CFAP54: variants seen among roughly 807,000 people sequenced by gnomAD.
CFAP54 encodes the protein cilia- and flagella-associated protein 54.
A neutral mutation model predicts 370.4 loss-of-function variants in CFAP54; 290 were observed. That is an observed-to-expected ratio of 0.78 (90% CI 0.71 to 0.86). The LOEUF (loss-of-function observed/expected upper bound fraction) is 0.86, where lower values mean the gene tolerates loss of function less well. CFAP54 is among the 40% of genes least tolerant of loss of function. The pLI is 0.00. For synonymous variants in CFAP54, 1,206 were observed against 1,236.5 expected, an observed-to-expected ratio of 0.98 and a Z score of 0.52; for missense variants, 3,399 against 3,528.7, an observed-to-expected ratio of 0.96 and a Z score of 0.93.
chr12:96,858,834 A>C (rs1032870224), intron 66 of CFAP54, among the ~76,000 whole-genome samples: 1 of 152,222 alleles, frequency 6.6e-6, no homozygotes, highest in African/African-American at 2.4e-5. Flanking sequence ...CAATTTACAG[A>C]TTCAACACTA....
At chr12:96,734,742 A>G (rs542713990) in intron 50 of CFAP54, among the ~76,000 whole-genome samples, 2 of 152,328 alleles carry the variant, frequency 1.3e-5, no homozygotes, top group African/African-American at 2.4e-5. Context: ...ATTAAATAAC[A>G]GAATCTCTAG....
chr12:96,640,365 C>A (rs1314506813), intron 32 of CFAP54, among the ~76,000 whole-genome samples: 4 of 152,176 alleles, frequency 2.6e-5, no homozygotes, highest in Non-Finnish European at 5.9e-5. Flanking sequence ...ATCCAACTTA[C>A]AAGTGATGTG....
chr12:96,782,444 G>A (rs1217082764), intron 60 of CFAP54, among the ~76,000 whole-genome samples: 1 of 152,080 alleles, frequency 6.6e-6, no homozygotes, highest in East Asian at 1.9e-4. Flanking sequence ...AAAATATTTA[G>A]CAAGGTTGCT....
At chr12:96,502,396 TAAAAAAAAAAAAAA>T (rs535053383) in intron 2 of CFAP54, among the ~76,000 whole-genome samples, 1 of 68,596 alleles carries the variant, frequency 1.5e-5, no homozygotes, top group Non-Finnish European at 2.6e-5. Context: ...ACACTGTCCC[TAAAAAAAAAAAAAA>T]AAAAAAAAAG....
At chr12:96,552,015 G>C (rs1405783049) in intron 15 of CFAP54, among the ~76,000 whole-genome samples, 1 of 152,138 alleles carries the variant, frequency 6.6e-6, no homozygotes, top group African/African-American at 2.4e-5. Flanking sequence ...TGGAGGCCAA[G>C]GCGGGTGGAT....
chr12:96,798,948 G>A (rs555787018), intron 63 of CFAP54, among the ~76,000 whole-genome samples: 21 of 152,246 alleles, frequency 1.4e-4, no homozygotes, highest in African/African-American at 4.8e-4. Context: ...TAGCAAATAA[G>A]AGAAAACCTT....
intron 40 of CFAP54, 48 bp downstream of exon 40, chr12:96,679,800 C>T: frequency 1.3e-6 from 2 of 1,581,126 alleles, no homozygotes; most frequent in South Asian, 1.1e-5. Context: ...TGTGGGGTGA[C>T]CACCCTGCAG....
rs79690933 is a variant in CFAP54 at position 96,598,566 on chromosome 12, T to G, written c.3517-79T>G. On this transcript the variant is annotated intron_variant, in intron 25 of 67. Transcript: ENST00000524981. Reference sequence around the variant, plus strand: ...AAATTTTATGTCTTAAAGCTTGCATTATTTGAATGGAACATTTTCTAATGA... The same window carrying G: ...AAATTTTATGTCTTAAAGCTTGCATGATTTGAATGGAACATTTTCTAATGA... 6.5e-3 allele frequency: 2,976 copies of G among 457,886 alleles called. 67 individuals carry two copies. Among genetic ancestry groups the G allele is most frequent in the African/African-American group, 0.054 (2,708 of 50,510 alleles). The allele number at this position is 457,886 out of a possible 1,614,324, so 28.4% of individuals were successfully genotyped here.
intron 26 of CFAP54, among the ~76,000 whole-genome samples, chr12:96,611,908 C>T (rs1045303337): frequency 2.0e-5 from 3 of 152,222 alleles, no homozygotes; most frequent in Non-Finnish European, 4.4e-5. Flanking sequence ...AAGACCAAAT[C>T]TACATCTGAT....
chr12:96,593,050 C>T (rs373386182), intron 24 of CFAP54, among the ~76,000 whole-genome samples: 3 of 152,080 alleles, frequency 2.0e-5, no homozygotes, highest in African/African-American at 7.2e-5. Context: ...TATTCTGCAA[C>T]TTGCCTTTTT....
In CFAP54 at chr12:96,575,459, C is replaced by T. The variant is rs148210988; in HGVS notation, c.2620-1126C>T. Among the ~76,000 whole-genome samples, 883 of 151,928 alleles carry T rather than the reference C, an allele frequency of 5.8e-3. 4 individuals are homozygous for T. Among genetic ancestry groups the T allele is most frequent in the Admixed American group, 9.5e-3 (145 of 15,252 alleles). On this transcript the variant is annotated intron_variant, in intron 19 of 67. Coordinates refer to ENST00000524981, the MANE Select transcript of CFAP54 (RefSeq NM_001306084.2). ...TGTTCCAGAACACTTTAAGTGAAAG[C>T]GTAATAATAATAATAGTTCTGATAT...
At chr12:96,694,990 C>T (rs982539908) in intron 45 of CFAP54, among the ~76,000 whole-genome samples, 1 of 151,862 alleles carries the variant, frequency 6.6e-6, no homozygotes, top group Non-Finnish European at 1.5e-5. Context: ...CACTGCACTC[C>T]AGCCTGGGCG....
At chr12:96,618,353 G>A (rs549884631) in intron 26 of CFAP54, among the ~76,000 whole-genome samples, 8 of 152,258 alleles carry the variant, frequency 5.3e-5, no homozygotes, top group Admixed American at 2.6e-4. Flanking sequence ...AAGAGAGGTG[G>A]TGTGAGGACT....
intron 22 of CFAP54, among the ~76,000 whole-genome samples, chr12:96,583,469 A>G (rs909529819): frequency 6.6e-6 from 1 of 152,206 alleles, no homozygotes; most frequent in African/African-American, 2.4e-5. Context: ...CAAATCAAGT[A>G]GTGAGTGGGC....
chr12:96,740,925 C>T (rs1168028511), intron 51 of CFAP54, among the ~76,000 whole-genome samples: 1 of 152,138 alleles, frequency 6.6e-6, no homozygotes, highest in African/African-American at 2.4e-5. Flanking sequence ...TACAGGACAG[C>T]CCTCCACAGC....
At chr12:96,830,225 A>G (rs937858817) in intron 66 of CFAP54, among the ~76,000 whole-genome samples, 1 of 152,152 alleles carries the variant, frequency 6.6e-6, no homozygotes, top group Admixed American at 6.5e-5. Flanking sequence ...CTTTAGCACA[A>G]TTGCTGAATC....
chr12:96,753,188 T>G (rs1311944112), intron 55 of CFAP54, among the ~76,000 whole-genome samples: 1 of 152,156 alleles, frequency 6.6e-6, no homozygotes, highest in Admixed American at 6.6e-5. Context: ...CATACAATGG[T>G]TTTTTAAGTA....
chr12:96,828,203 GA>G (rs1290468148), intron 65 of CFAP54, among the ~76,000 whole-genome samples: 2 of 150,248 alleles, frequency 1.3e-5, no homozygotes, highest in Non-Finnish European at 2.9e-5. Context: ...TGTAAGTGAG[GA>G]AAAAACTACT....
chr12:96,749,394 G>A (rs1958157832), intron 55 of CFAP54, among the ~76,000 whole-genome samples: 1 of 152,192 alleles, frequency 6.6e-6, no homozygotes, highest in South Asian at 2.1e-4. Flanking sequence ...ACATCATGTG[G>A]GGGTTACATT....
Sources: allele counts gnomAD v4.1 joint callset (sites outside exome capture counted in the v4.1 genomes callset), GRCh38; gene constraint gnomAD v4.1.1; transcripts MANE v1.5; gene names NCBI Gene and HGNC (gene_info 2026-07-23, HGNC 2026-07-21).